PPAT: variants seen among roughly 807,000 people sequenced by gnomAD.
PPAT encodes the protein phosphoribosyl pyrophosphate amidotransferase.
In PPAT, 20 loss-of-function variants were observed where a neutral mutation model predicts 60.2. The ratio of observed to expected loss-of-function variants is 0.33; its 90% CI spans 0.23 to 0.48. The LOEUF (loss-of-function observed/expected upper bound fraction) is 0.48. PPAT is among the 20% of genes least tolerant of loss of function. PPAT has a pLI of 0.99. For synonymous variants in PPAT, 194 were observed against 215.1 expected (o/e 0.90, Z 0.86); for missense variants, 349 against 629.6 (o/e 0.55, Z 4.77).
Position 56,394,338 on chromosome 4 carries a change from G to A in PPAT, c.*1014C>T, listed in dbSNP as rs2110035209. 6.6e-6 allele frequency: 1 copy of A among 151,932 alleles called. No homozygotes were observed. Among genetic ancestry groups the A allele is most frequent in the South Asian group, 2.1e-4 (1 of 4,822 alleles). The allele number at this position is 151,932 out of a possible 1,614,324, so 9.4% of individuals were successfully genotyped here. On this transcript the variant is annotated 3_prime_UTR_variant, in exon 11 of 11. Transcript: ENST00000264220. ...TGTGTCTGTACTTGATCACTTAATT[G>A]CAATAATATTTATGTGTATGTGTAC... is the stretch of plus-strand genomic sequence containing the variant.
chr4:56,416,875 A>G (rs897457052), intron 1 of PPAT, among the ~76,000 whole-genome samples: 3 of 152,114 alleles, frequency 2.0e-5, no homozygotes, highest in Admixed American at 2.0e-4. Context: ...TTTCTTTTCT[A>G]GTCTCACTCT....
chr4:56,407,364 G>C (rs1019227525), intron 2 of PPAT, among the ~76,000 whole-genome samples: 1 of 151,246 alleles, frequency 6.6e-6, no homozygotes, highest in African/African-American at 2.4e-5. Context: ...TGTTGCCCAG[G>C]CTGGAGTACA....
At chr4:56,401,049 TACAC>T (rs1188959050) in intron 7 of PPAT, 138 bp from the exon 8 acceptor site, 4 of 955,466 alleles carry the variant, frequency 4.2e-6, no homozygotes, top group Non-Finnish European at 6.0e-6. Flanking sequence ...AATGTGAAAA[TACAC>T]AAACTGGGGA....
At chr4:56,405,133 G>A (rs934854622) in intron 3 of PPAT, among the ~76,000 whole-genome samples, 1 of 150,942 alleles carries the variant, frequency 6.6e-6, no homozygotes, top group African/African-American at 2.4e-5. Flanking sequence ...ATGAATGAAA[G>A]CATAGGCACA....
chr4:56,395,339 C>T lies in PPAT; in HGVS notation c.*13G>A. 1.3e-6 allele frequency: 2 copies of T among 1,585,614 alleles called. No individual in the cohort carries two copies. Among genetic ancestry groups the T allele is most frequent in the Non-Finnish European group, 1.7e-6 (2 of 1,162,884 alleles). ...CTTTCTATCTTGAAACTACACACAT[C>T]CAACCCTACCAGCTACCATTCTAAT... is the stretch of plus-strand genomic sequence containing the variant. On this transcript the variant is annotated 3_prime_UTR_variant, in exon 11 of 11. Transcript: ENST00000264220.
intron 1 of PPAT, chr4:56,420,718 G>A (rs1716997176): frequency 6.6e-6 from 1 of 152,088 alleles, no homozygotes; most frequent in Non-Finnish European, 1.5e-5. Context: ...AATAGAAAAA[G>A]GGCATTGAAG....
intron 1 of PPAT, among the ~76,000 whole-genome samples, chr4:56,411,546 A>G (rs1249617590): frequency 1.3e-5 from 2 of 152,218 alleles, no homozygotes; most frequent in Non-Finnish European, 2.9e-5. Flanking sequence ...CTATTTACAT[A>G]GAATCTACTC....
intron 3 of PPAT, among the ~76,000 whole-genome samples, chr4:56,404,365 T>C (rs748292720): frequency 3.0e-4 from 45 of 152,336 alleles, no homozygotes; most frequent in Non-Finnish European, 5.7e-4. Flanking sequence ...CCCATCCTCA[T>C]TGATTATTAC....
chr4:56,406,081 C>T (rs1481434302), intron 3 of PPAT, among the ~76,000 whole-genome samples: 2 of 152,104 alleles, frequency 1.3e-5, no homozygotes, highest in African/African-American at 4.8e-5. Flanking sequence ...GTATAAGAAA[C>T]CCCCCTATTT....
chr4:56,432,581 C>G (rs1031160062), intron 1 of PPAT, among the ~76,000 whole-genome samples: 16 of 147,546 alleles, frequency 1.1e-4, no homozygotes, highest in Non-Finnish European at 2.1e-4. Flanking sequence ...GTCAGGAGAT[C>G]GAGACCATCC....
intron 1 of PPAT, among the ~76,000 whole-genome samples, chr4:56,426,272 C>G (rs888970261): frequency 6.6e-6 from 1 of 151,964 alleles, no homozygotes; most frequent in African/African-American, 2.4e-5. Flanking sequence ...GTGGTGGCCG[C>G]GCACCTGTGG....
intron 1 of PPAT, among the ~76,000 whole-genome samples, chr4:56,425,866 C>T (rs1272002348): frequency 3.3e-5 from 5 of 152,158 alleles, no homozygotes. Context: ...TTGGAAGCTC[C>T]GTACAATGCA....
chr4:56,431,031 C>G (rs566322175), intron 1 of PPAT, among the ~76,000 whole-genome samples: 1 of 151,882 alleles, frequency 6.6e-6, no homozygotes, highest in African/African-American at 2.4e-5. Context: ...ATTGAAAACA[C>G]TTATTTTAAA....
At chr4:56,416,803 G>C (rs1330059797) in intron 1 of PPAT, among the ~76,000 whole-genome samples, 1 of 152,206 alleles carries the variant, frequency 6.6e-6, no homozygotes, top group Admixed American at 6.5e-5. Flanking sequence ...CCAGGTCAAG[G>C]ATAATTTGAA....
Position 56,407,725 on chromosome 4 carries a change from A to T in PPAT, c.129-9T>A. ...CAGCACTCTCCTGACCCCTGTGAATATAAAAAGATATTAGCTGTTAAATCT... is the reference window on the plus strand; with the variant it reads ...CAGCACTCTCCTGACCCCTGTGAATTTAAAAAGATATTAGCTGTTAAATCT... On this transcript the variant is annotated splice_polypyrimidine_tract_variant and intron_variant, in intron 1 of 10. Coordinates refer to ENST00000264220, the MANE Select transcript of PPAT (RefSeq NM_002703.5). The T allele has an allele frequency of 6.3e-7, 1 of 1,586,804 alleles. No homozygotes were observed. Among genetic ancestry groups the T allele is most frequent in the South Asian group, 1.1e-5 (1 of 90,516 alleles).
In PPAT at chr4:56,406,543, A is replaced by T; in HGVS notation, c.354T>A (p.Ala118=). 1 of 1,613,158 alleles carries T rather than the reference A, an allele frequency of 6.2e-7. No homozygotes were observed. The highest frequency in any genetic ancestry group is 8.5e-7 in the Non-Finnish European group (1 of 1,180,002). The change falls in exon 3 of 11, where the codon GCT becomes GCA. Residue 118 remains alanine, a synonymous_variant. Coordinates refer to ENST00000264220, the MANE Select transcript of PPAT (RefSeq NM_002703.5). The part of the protein sequence containing the change: ...FVVETLHGKI[A]VAHNGELVNA... ...TTACCAATTCGCCATTATGTGCCAC[A>T]GCTATCTTCCCATGAAGTGTTTCAA...
intron 7 of PPAT, 85 bp from the exon 8 acceptor site, chr4:56,400,996 A>G: frequency 7.5e-7 from 1 of 1,333,026 alleles, no homozygotes; most frequent in Non-Finnish European, 1.0e-6. Context: ...CTAGAATTCT[A>G]CAGATTGAGT....
Position 56,396,557 on chromosome 4 carries a change from G to A in PPAT, c.1357+62C>T. ...TACTCCTTTTTACTAAAGGTGTAAA[G>A]ACTGTCAAGCTTTGGATTTTCTCTG... On this transcript the variant is annotated intron_variant, in intron 10 of 10. Coordinates refer to ENST00000264220, the MANE Select transcript of PPAT (RefSeq NM_002703.5). The surrounding 1 kb of genome is among the most constrained non-coding windows in gnomAD (Gnocchi z 4.6). The A allele has an allele frequency of 2.0e-6, 3 of 1,484,038 alleles. No homozygotes were observed. The highest frequency in any genetic ancestry group is 2.4e-5 in the South Asian group (2 of 83,508). 91.9% of individuals were successfully genotyped at this position (1,484,038 alleles called of 1,614,324 possible). A position where few individuals can be genotyped will look rare whatever the true frequency, so the allele number is the denominator to read the frequency against.
At chr4:56,401,507 A>C in intron 6 of PPAT, 26 bp from the exon 7 acceptor site, 2 of 1,560,338 alleles carry the variant, frequency 1.3e-6, no homozygotes, top group Non-Finnish European at 1.7e-6. Flanking sequence ...TAAAGAAAGA[A>C]GACTTTTAAT....
Sources: allele counts gnomAD v4.1 joint callset (sites outside exome capture counted in the v4.1 genomes callset), GRCh38; gene constraint gnomAD v4.1.1; non-coding constraint Gnocchi (gnomAD v3.1); transcripts MANE v1.5; gene names NCBI Gene and HGNC (gene_info 2026-07-23, HGNC 2026-07-21).